The following ACER3 variants were observed in gnomAD, a reference collection of about 807,000 sequenced individuals.
The protein encoded by ACER3 is alkCDase 3.
In ACER3, 16 loss-of-function variants were observed where a neutral mutation model predicts 48.9. The observed-to-expected ratio is 0.33, with a 90% confidence interval of 0.22 to 0.50. ACER3 has a LOEUF of 0.50. Among genes scored for constraint, ACER3 ranks in the 20% least tolerant of loss-of-function variants. The pLI is 0.98. For missense variants in ACER3, 227 were observed against 326.0 expected (o/e 0.70, Z 2.34); for synonymous variants, 109 against 107.8 (o/e 1.01, Z -0.07).
intron 1 of ACER3, among the ~76,000 whole-genome samples, chr11:76,911,737 C>T (rs2134725955): frequency 6.6e-6 from 1 of 152,294 alleles, no homozygotes; most frequent in East Asian, 1.9e-4. Context: ...AATATGGAAG[C>T]CTCAGCTTTA....
chr11:77,005,994 T>TATATATACATATATATATATA (rs1272209642), intron 7 of ACER3, among the ~76,000 whole-genome samples: 1 of 82,150 alleles, frequency 1.2e-5, no homozygotes, highest in African/African-American at 4.0e-5. Context: ...TATATATATT[T>TATATATACATATATATATATA]TTTTTTTTTT....
At chr11:76,884,364 G>A (rs142152173) in intron 1 of ACER3, among the ~76,000 whole-genome samples, 3 of 152,088 alleles carry the variant, frequency 2.0e-5, no homozygotes, top group African/African-American at 7.2e-5. Flanking sequence ...TGCCTGAAAA[G>A]AATTTTTTCA....
chr11:76,985,217 C>T (rs927090836), intron 4 of ACER3, among the ~76,000 whole-genome samples: 3 of 152,178 alleles, frequency 2.0e-5, no homozygotes, highest in Admixed American at 6.5e-5. Flanking sequence ...TCTCCTCCCA[C>T]CTTAGCCTCC....
At chr11:76,868,383 CTCTCTCT>C (rs1945151896) in intron 1 of ACER3, 1 of 525,158 alleles carries the variant, frequency 1.9e-6, no homozygotes, top group Non-Finnish European at 2.8e-6. Flanking sequence ...ATATCTCTCT[CTCTCTCT>C]CTGTGTGTGT....
intron 2 of ACER3, among the ~76,000 whole-genome samples, chr11:76,946,625 G>A (rs1179453068): frequency 6.6e-6 from 1 of 152,188 alleles, no homozygotes; most frequent in Non-Finnish European, 1.5e-5. Context: ...CTGCATCTCA[G>A]TCTCAACAGT....
chr11:76,981,954 C>G (rs1200195191), intron 4 of ACER3, among the ~76,000 whole-genome samples: 1 of 152,064 alleles, frequency 6.6e-6, no homozygotes, highest in Admixed American at 6.5e-5. Context: ...TAGGAAACTG[C>G]CAAACTGTTT....
At chr11:76,921,314 A>T (rs771309105) in intron 1 of ACER3, among the ~76,000 whole-genome samples, 3 of 152,196 alleles carry the variant, frequency 2.0e-5, no homozygotes, top group Non-Finnish European at 4.4e-5. Flanking sequence ...AATTAAAACA[A>T]ATTTTTAATT....
intron 1 of ACER3, among the ~76,000 whole-genome samples, chr11:76,900,708 T>G (rs1053596656): frequency 1.3e-5 from 2 of 152,208 alleles, no homozygotes; most frequent in African/African-American, 4.8e-5. Flanking sequence ...GATTGTCTAA[T>G]GTCAGTTTGT....
At chr11:76,969,081 T>C (rs1948221763) in intron 3 of ACER3, among the ~76,000 whole-genome samples, 2 of 150,640 alleles carry the variant, frequency 1.3e-5, no homozygotes, top group African/African-American at 4.9e-5. Flanking sequence ...TACAATGAAC[T>C]CAAACAAATT....
chr11:76,993,443 G>T (rs911945647), intron 6 of ACER3, among the ~76,000 whole-genome samples: 3 of 152,168 alleles, frequency 2.0e-5, no homozygotes, highest in Non-Finnish European at 4.4e-5. Context: ...TGTCTAATCA[G>T]TAATACAGAC....
rs111653251 is a variant in ACER3, at chr11:76,989,479, C to T, written c.403-1060C>T. Among the ~76,000 whole-genome samples the T allele has an allele frequency of 5.8e-3, 874 of 151,986 alleles. 11 individuals are homozygous for T. The highest frequency in any genetic ancestry group is 0.02 in the African/African-American group (821 of 41,456). ...AGAAAGGAGTGTGACTGGTTGCTTC[C>T]GCTGTATAGAGAAAGGATCAGAAAA... On this transcript the variant is annotated intron_variant, in intron 5 of 10. Coordinates refer to ENST00000532485, the MANE Select transcript of ACER3 (RefSeq NM_018367.7).
At chr11:76,900,292 G>T (rs1946046668) in intron 1 of ACER3, among the ~76,000 whole-genome samples, 1 of 152,228 alleles carries the variant, frequency 6.6e-6, no homozygotes, top group Non-Finnish European at 1.5e-5. Flanking sequence ...TCCTGTCTCA[G>T]GGGTGGCAGA....
chr11:76,902,272 C>G (rs551934140), intron 1 of ACER3, among the ~76,000 whole-genome samples: 1 of 152,116 alleles, frequency 6.6e-6, no homozygotes, highest in Non-Finnish European at 1.5e-5. Flanking sequence ...GATCCTTCAC[C>G]TTTCTTTTGC....
intron 4 of ACER3, among the ~76,000 whole-genome samples, chr11:76,976,803 T>G (rs2135155125): frequency 6.6e-6 from 1 of 152,316 alleles, no homozygotes; most frequent in African/African-American, 2.4e-5. Context: ...TTTCTTATTC[T>G]AAGGTAGACT....
At chr11:76,918,979 T>TATTTGG (rs765586444) in intron 1 of ACER3, among the ~76,000 whole-genome samples, 2 of 151,504 alleles carry the variant, frequency 1.3e-5, no homozygotes, top group Non-Finnish European at 3.0e-5. Flanking sequence ...TTTGGCAAAA[T>TATTTGG]GAACTTGCAT....
At position 76,990,548 on chromosome 11, in the gene ACER3, AAGGTAAAAGAGCCGATATTCCATC is replaced by A; in HGVS notation, c.419_438+4del. On this transcript the variant is annotated inframe_deletion and splice_region_variant, in exon 6 of 11. Transcript: ENST00000532485. ...TTCTAATATTTTGCAGGTTTACCTT[AAGGTAAAAGAGCCGATATTCCATC>A]AGGTAATTTTTTGTAAATTATTACA... The A allele has an allele frequency of 6.6e-7, 1 of 1,506,508 alleles. No individual in the cohort carries two copies. Among genetic ancestry groups the A allele is most frequent in the Non-Finnish European group, 9.2e-7 (1 of 1,084,028 alleles). The allele number at this position is 1,506,508 out of a possible 1,614,324, so 93.3% of individuals were successfully genotyped here.
intron 1 of ACER3, among the ~76,000 whole-genome samples, chr11:76,904,711 C>A (rs982451003): frequency 1.3e-5 from 2 of 152,190 alleles, no homozygotes; most frequent in African/African-American, 4.8e-5. Context: ...TTAAACTGCA[C>A]AAGCAGGTGA....
intron 7 of ACER3, chr11:77,011,200 A>T: frequency 3.5e-6 from 1 of 284,494 alleles, no homozygotes; most frequent in Non-Finnish European, 5.3e-6. Flanking sequence ...TCTGTATTCT[A>T]CACTCTTGCA....
At chr11:76,868,962 C>T (rs1945172078) in intron 1 of ACER3, among the ~76,000 whole-genome samples, 1 of 152,186 alleles carries the variant, frequency 6.6e-6, no homozygotes, top group Non-Finnish European at 1.5e-5. Context: ...AGGACCCTTC[C>T]AAACCTGCCC....
Sources: gnomAD v4.1 joint callset for allele counts (sites outside exome capture counted in the v4.1 genomes callset) on GRCh38, gnomAD v4.1.1 for gene constraint, MANE v1.5 for transcripts, NCBI Gene and HGNC (gene_info 2026-07-23, HGNC 2026-07-21) for gene names.